SETD3: variants seen among roughly 807,000 people sequenced by gnomAD.
SETD3 encodes the protein SET domain containing 3, actin N3(tau)-histidine methyltransferase, also known as actin-histidine N-methyltransferase.
Under a neutral mutation model 63.0 loss-of-function variants are expected in SETD3, and 19 were observed. That is an observed-to-expected ratio of 0.30 (90% CI 0.21 to 0.44). SETD3 has a LOEUF of 0.44. SETD3 is among the 20% of genes least tolerant of loss of function. SETD3 has a pLI of 1.00. For synonymous variants in SETD3, 286 were observed against 264.1 expected (o/e 1.08, Z -0.80); for missense variants, 587 against 728.5 (o/e 0.81, Z 2.24).
chr14:99,482,391 G>T (rs978820279), upstream of SETD3, among the ~76,000 whole-genome samples: 1 of 152,220 alleles, frequency 6.6e-6, no homozygotes, highest in Non-Finnish European at 1.5e-5. Flanking sequence ...TCAGCGCCTA[G>T]AACACTGCCT....
At position 99,441,111 on chromosome 14, in the gene SETD3, G is replaced by C. The variant is rs777202951; in HGVS notation, c.675+17168C>G. Among the ~76,000 whole-genome samples, 5 of 152,360 alleles carry C rather than the reference G, an allele frequency of 3.3e-5. No individual in the cohort carries two copies. The South Asian group carries it at 8.3e-4, about 25-fold the overall frequency. On this transcript the variant is annotated intron_variant, in intron 6 of 12. Transcript: ENST00000331768. The stretch of plus-strand genomic sequence containing the variant: ...CCAGTAGGGGTAAACCTGTCATAGA[G>C]GGACAAAAGTGTCTAACAGGGACCT...
At chr14:99,436,477 C>T (rs147302033) in intron 6 of SETD3, among the ~76,000 whole-genome samples, 178 of 152,304 alleles carry the variant, frequency 1.2e-3, no homozygotes, top group African/African-American at 4.2e-3. Flanking sequence ...CAGCCTGACA[C>T]CATCCACTAG....
At chr14:99,414,250 G>A (rs979355891) in intron 6 of SETD3, among the ~76,000 whole-genome samples, 2 of 152,266 alleles carry the variant, frequency 1.3e-5, no homozygotes, top group Non-Finnish European at 2.9e-5. Context: ...TACGCGATGA[G>A]CACTGGATCT....
rs188243601 is a variant in SETD3 at position 99,448,336 on chromosome 14, G to A, written c.675+9943C>T. On this transcript the variant is annotated intron_variant, in intron 6 of 12. Transcript: ENST00000331768. Reference sequence around the variant, plus strand: ...CAGTGGCAGTGGCAGTGGCAGAAGCGTCATCTGCAGCTCTCAGCACAGCTT... The same window carrying A: ...CAGTGGCAGTGGCAGTGGCAGAAGCATCATCTGCAGCTCTCAGCACAGCTT... 6.8e-3 allele frequency among the ~76,000 whole-genome samples: 1,028 copies of A among 152,282 alleles called. 4 individuals carry two copies. Among genetic ancestry groups the A allele is most frequent in the Non-Finnish European group, 0.012 (808 of 68,020 alleles).
chr14:99,405,062 G>C, intron 10 of SETD3, 143 bp downstream of exon 10: 1 of 1,178,450 alleles, frequency 8.5e-7, no homozygotes, highest in Non-Finnish European at 1.2e-6. Context: ...CGTCGCCATG[G>C]CTTAAATTTG....
At chr14:99,424,507 AAGAC>A (rs1157570269) in intron 6 of SETD3, among the ~76,000 whole-genome samples, 2 of 152,154 alleles carry the variant, frequency 1.3e-5, no homozygotes, top group Non-Finnish European at 2.9e-5. Context: ...TTAAAGGTGG[AAGAC>A]AGACAGGACA....
At chr14:99,479,899 G>A (rs896497866) in intron 1 of SETD3, among the ~76,000 whole-genome samples, 2 of 152,232 alleles carry the variant, frequency 1.3e-5, no homozygotes, top group East Asian at 3.8e-4. Context: ...GCCGGGCAGG[G>A]GTGAGCCCCG....
upstream of SETD3, chr14:99,481,133 G>A: frequency 3.1e-6 from 1 of 321,562 alleles, no homozygotes; most frequent in Non-Finnish European, 5.6e-6. Flanking sequence ...CTCGACCCGG[G>A]CCCCGCCTAC....
chr14:99,413,316 C>T (rs138985398), intron 7 of SETD3: 720 of 450,482 alleles, frequency 1.6e-3, no homozygotes, highest in Non-Finnish European at 2.1e-3. Context: ...GACGGCTTTG[C>T]GCAGGGCTCA....
intron 6 of SETD3, among the ~76,000 whole-genome samples, chr14:99,432,861 T>C (rs1227706692): frequency 2.6e-5 from 4 of 152,104 alleles, no homozygotes; most frequent in Non-Finnish European, 1.5e-5. Context: ...AAAATGTCTC[T>C]ATTCCCCCAA....
At chr14:99,427,140 T>C (rs1324747877) in intron 6 of SETD3, among the ~76,000 whole-genome samples, 3 of 152,194 alleles carry the variant, frequency 2.0e-5, no homozygotes, top group Non-Finnish European at 4.4e-5. Context: ...ATTAACCTTT[T>C]AGCTCGAAAA....
At chr14:99,428,766 G>A (rs1016782390) in intron 6 of SETD3, among the ~76,000 whole-genome samples, 5 of 152,182 alleles carry the variant, frequency 3.3e-5, no homozygotes, top group African/African-American at 7.2e-5. Flanking sequence ...AACTGAGGGT[G>A]GCCTCTAGCA....
At chr14:99,471,578 C>T (rs370642058) in intron 1 of SETD3, among the ~76,000 whole-genome samples, 1 of 152,158 alleles carries the variant, frequency 6.6e-6, no homozygotes, top group Non-Finnish European at 1.5e-5. Flanking sequence ...GAGGCTGCAG[C>T]GAGCTATGAT....
At position 99,404,318 on chromosome 14, in the gene SETD3, A is replaced by G. The variant is rs780041171; in HGVS notation, c.1092-8T>C. ...AATGCAAAAACACTGGAACTGATAAAAGCAGAAAGCAAGATCAGTCACCCT... is the reference window on the plus strand; with the variant it reads ...AATGCAAAAACACTGGAACTGATAAGAGCAGAAAGCAAGATCAGTCACCCT... On this transcript the variant is annotated splice_region_variant and splice_polypyrimidine_tract_variant and intron_variant, in intron 10 of 12. Coordinates refer to ENST00000331768, the MANE Select transcript of SETD3 (RefSeq NM_032233.3). The G allele has an allele frequency of 6.2e-7, 1 of 1,613,576 alleles. No individual in the cohort carries two copies. The highest frequency in any genetic ancestry group is 2.2e-5 in the East Asian group (1 of 44,880).
rs553776177 is a variant in SETD3, at chr14:99,451,575, C to T, written c.675+6704G>A. Among the ~76,000 whole-genome samples the T allele has an allele frequency of 1.1e-4, 16 of 152,162 alleles. No homozygotes were observed. In the East Asian group the frequency reaches 1.5e-3, roughly 15 times the overall value. Reference sequence around the variant, plus strand: ...GGGGTGGAGTACAGTGGTGTGATCACGGCTCACTGCAGCCTCAACTTCCTG... The same window carrying T: ...GGGGTGGAGTACAGTGGTGTGATCATGGCTCACTGCAGCCTCAACTTCCTG... On this transcript the variant is annotated intron_variant, in intron 6 of 12. Transcript: ENST00000331768.
At chr14:99,413,548 A>C (rs1892122547) in intron 7 of SETD3, among the ~76,000 whole-genome samples, 1 of 152,238 alleles carries the variant, frequency 6.6e-6, no homozygotes. Flanking sequence ...CGTTCAAAAA[A>C]AGTCCCCATT....
At chr14:99,471,526 T>G (rs1895705239) in intron 1 of SETD3, among the ~76,000 whole-genome samples, 1 of 152,200 alleles carries the variant, frequency 6.6e-6, no homozygotes, top group African/African-American at 2.4e-5. Flanking sequence ...TCCCAGGTGC[T>G]CAGGAGGCTG....
At chr14:99,418,430 T>C (rs1375591448) in intron 6 of SETD3, among the ~76,000 whole-genome samples, 1 of 152,124 alleles carries the variant, frequency 6.6e-6, no homozygotes, top group African/African-American at 2.4e-5. Context: ...GATGGTTTCA[T>C]TTTCCTTCCT....
At chr14:99,439,545 C>T (rs892571844) in intron 6 of SETD3, among the ~76,000 whole-genome samples, 1 of 150,460 alleles carries the variant, frequency 6.6e-6, no homozygotes, top group Non-Finnish European at 1.5e-5. Flanking sequence ...TTCAGCAAAA[C>T]TCATTACATA....
Sources: allele counts gnomAD v4.1 joint callset (sites outside exome capture counted in the v4.1 genomes callset), GRCh38; gene constraint gnomAD v4.1.1; transcripts MANE v1.5; gene names NCBI Gene and HGNC (gene_info 2026-07-23, HGNC 2026-07-21).